The following ZNF169 variants were observed in gnomAD, a reference collection of about 807,000 sequenced individuals.
ZNF169 encodes the protein zinc finger protein 169.
Under a neutral mutation model 12.0 loss-of-function variants are expected in ZNF169, and 11 were observed. The ratio of observed to expected loss-of-function variants is 0.92; its 90% CI spans 0.58 to 1.52. The LOEUF is 1.52. Among genes scored for constraint, ZNF169 ranks in the 40% most tolerant of loss-of-function variants. The pLI, the probability that ZNF169 is intolerant of heterozygous loss-of-function variation, is 0.00. For missense variants in ZNF169, 722 were observed against 744.0 expected, an observed-to-expected ratio of 0.97 and a Z score of 0.34; for synonymous variants, 302 against 286.5, an observed-to-expected ratio of 1.05 and a Z score of -0.55.
intron 1 of ZNF169, among the ~76,000 whole-genome samples, chr9:94,264,549 G>C (rs1391541675): frequency 6.6e-6 from 1 of 152,138 alleles, no homozygotes; most frequent in East Asian, 1.9e-4. Context: ...GGTTCCATTT[G>C]GCATAATTTT....
At chr9:94,264,974 T>C (rs909051131) in intron 1 of ZNF169, among the ~76,000 whole-genome samples, 2 of 151,588 alleles carry the variant, frequency 1.3e-5, no homozygotes, top group Admixed American at 1.3e-4. Context: ...ATTCTTTTTT[T>C]TCCAGGGTTC....
intron 2 of ZNF169, among the ~76,000 whole-genome samples, chr9:94,280,123 T>A (rs1489392625): frequency 1.3e-5 from 2 of 152,222 alleles, no homozygotes; most frequent in East Asian, 3.8e-4. Flanking sequence ...CTGTATGTAA[T>A]CATATTCTGG....
At chr9:94,289,607 T>TTTAGTAGA in intron 2 of ZNF169, among the ~76,000 whole-genome samples, 1 of 152,082 alleles carries the variant, frequency 6.6e-6, no homozygotes, top group Non-Finnish European at 1.5e-5. Context: ...CTGGCCAACA[T>TTTAGTAGA]GACGAAACCC....
At chr9:94,286,905 G>A (rs1307184988) in intron 2 of ZNF169, among the ~76,000 whole-genome samples, 1 of 152,152 alleles carries the variant, frequency 6.6e-6, no homozygotes, top group African/African-American at 2.4e-5. Flanking sequence ...ACCTTTTGGC[G>A]TAAAAGAGGT....
intron 4 of ZNF169, chr9:94,296,668 G>A (rs1411798541): frequency 5.3e-6 from 2 of 374,112 alleles, no homozygotes; most frequent in Admixed American, 7.1e-5. Flanking sequence ...AAGATCAGTT[G>A]ACCATATGTG....
chr9:94,284,922 C>T (rs1247663632), intron 2 of ZNF169, among the ~76,000 whole-genome samples: 1 of 151,638 alleles, frequency 6.6e-6, no homozygotes, highest in Non-Finnish European at 1.5e-5. Context: ...CCTGAATAGC[C>T]AAAACAATCT....
chr9:94,267,103 T>C (rs1328554065), intron 1 of ZNF169, among the ~76,000 whole-genome samples: 2 of 152,154 alleles, frequency 1.3e-5, no homozygotes, highest in East Asian at 3.9e-4. Flanking sequence ...TTGGCTTTGA[T>C]GGAACTTTGT....
intron 1 of ZNF169, among the ~76,000 whole-genome samples, chr9:94,272,523 G>A (rs1830440978): frequency 6.6e-6 from 1 of 151,934 alleles, no homozygotes; most frequent in South Asian, 2.1e-4. Flanking sequence ...TCATATTAGT[G>A]GGATCATGCA....
chr9:94,272,880 CTGTTTTGTTT>C (rs534061540), intron 1 of ZNF169, among the ~76,000 whole-genome samples: 7 of 152,022 alleles, frequency 4.6e-5, no homozygotes, highest in South Asian at 2.1e-4. Flanking sequence ...CACTTATTTT[CTGTTTTGTTT>C]TGTTTTGTTT....
chr9:94,297,018 G>A (rs1830966827), intron 4 of ZNF169, among the ~76,000 whole-genome samples: 1 of 152,176 alleles, frequency 6.6e-6, no homozygotes, highest in South Asian at 2.1e-4. Flanking sequence ...TTGCACTCCA[G>A]CCCAGGCAAC....
intron 1 of ZNF169, among the ~76,000 whole-genome samples, chr9:94,262,345 T>C (rs567065391): frequency 6.6e-6 from 1 of 152,320 alleles, no homozygotes; most frequent in South Asian, 2.1e-4. Flanking sequence ...GTTAGGCTAT[T>C]ACTGGGGAAA....
chr9:94,279,756 A>C (rs113650296), intron 2 of ZNF169, among the ~76,000 whole-genome samples: 3,892 of 152,296 alleles, frequency 0.026, 190 homozygotes, highest in African/African-American at 0.087. Flanking sequence ...GTCTTTAGCC[A>C]CATTAGTTTT....
At chr9:94,278,682 C>G in intron 1 of ZNF169, 76 bp from the exon 2 acceptor site, 1 of 779,666 alleles carries the variant, frequency 1.3e-6, no homozygotes, top group Non-Finnish European at 2.1e-6. Context: ...CTACTCCCTA[C>G]TGAATTGGGA....
At chr9:94,291,047 C>CTTTTTTTTTTTTTTTT (rs59027045) in intron 2 of ZNF169, among the ~76,000 whole-genome samples, 2 of 59,570 alleles carry the variant, frequency 3.4e-5, no homozygotes, top group Admixed American at 2.7e-4. Context: ...GAACAGTATT[C>CTTTTTTTTTTTTTTTT]TTTTTTTTTT....
intron 2 of ZNF169, among the ~76,000 whole-genome samples, chr9:94,283,097 G>A (rs62579662): frequency 0.16 from 23,951 of 152,076 alleles, 2,559 homozygotes; most frequent in Non-Finnish European, 0.23. Context: ...TAACAAAAAC[G>A]AAACATGTAT....
At chr9:94,292,533 C>T (rs1172096671) in intron 3 of ZNF169, 66 bp downstream of exon 3, 8 of 1,561,422 alleles carry the variant, frequency 5.1e-6, no homozygotes, top group African/African-American at 4.1e-5. Flanking sequence ...ACATAGCAAG[C>T]TGCCATGCTT....
chr9:94,281,509 GTTGAGGA>G (rs977028214), intron 2 of ZNF169, among the ~76,000 whole-genome samples: 2 of 152,144 alleles, frequency 1.3e-5, no homozygotes, highest in African/African-American at 4.8e-5. Context: ...TTTTGCCAAG[GTTGAGGA>G]TTGTCAACGA....
chr9:94,293,121 C>A, intron 4 of ZNF169, 52 bp downstream of exon 4: 1 of 1,510,974 alleles, frequency 6.6e-7, no homozygotes, highest in Non-Finnish European at 9.2e-7. Flanking sequence ...AGGAGCTCAG[C>A]AGGTAAGGAA....
In ZNF169 at chr9:94,301,167, T is replaced by A. The variant is rs2118681549; in HGVS notation, c.1609T>A (p.Ser537Thr). 6.2e-7 allele frequency: 1 copy of A among 1,614,032 alleles called. No individual in the cohort carries two copies. The highest frequency in any genetic ancestry group is 8.5e-7 in the Non-Finnish European group (1 of 1,180,004). ...SHLISDQRTH[S>T]GEKPCICDEC... is the part of the protein sequence containing the mutation. The stretch of plus-strand genomic sequence containing the variant: ...CCTTATCTCTGACCAAAGGACACAC[T>A]CAGGAGAGAAGCCCTGCATTTGCGA... The change falls in exon 5 of 5, where the codon TCA becomes ACA. Residue 537 changes from serine (S) to threonine (T), a missense_variant. Ser to Thr is a moderately conservative substitution (Grantham distance 58). Transcript: ENST00000395395.
Sources: allele counts gnomAD v4.1 joint callset (sites outside exome capture counted in the v4.1 genomes callset), GRCh38; gene constraint gnomAD v4.1.1; transcripts MANE v1.5; gene names NCBI Gene and HGNC (gene_info 2026-07-23, HGNC 2026-07-21).